The following U2AF2 variants were observed in gnomAD, a reference collection of about 807,000 sequenced individuals.
U2AF2 encodes the protein U2 small nuclear RNA auxiliary factor 2.
Under a neutral mutation model 52.6 loss-of-function variants are expected in U2AF2, and 6 were observed. That is an observed-to-expected ratio of 0.11 (90% CI 0.06 to 0.23). U2AF2 has a LOEUF of 0.23. Ranked by LOEUF, U2AF2 falls within the 10% of genes least tolerant of loss-of-function variation. U2AF2 has a pLI of 1.00. For missense variants in U2AF2, 222 were observed against 677.1 expected, an observed-to-expected ratio of 0.33 and a Z score of 7.46; for synonymous variants, 284 against 258.2, an observed-to-expected ratio of 1.10 and a Z score of -0.96.
chr19:55,666,156 A>G (rs1984537621), intron 7 of U2AF2, among the ~76,000 whole-genome samples: 1 of 152,180 alleles, frequency 6.6e-6, no homozygotes, highest in Admixed American at 6.5e-5. Context: ...ACCCAGTGAT[A>G]GTGGCTGCCG....
chr19:55,671,811 G>A (rs1190212899), intron 11 of U2AF2: 1 of 152,216 alleles, frequency 6.6e-6, no homozygotes, highest in Admixed American at 6.5e-5. Flanking sequence ...GGGATCAGCT[G>A]ACCTGTTTTG....
At chr19:55,656,664 T>C (rs1983817059) in intron 1 of U2AF2, among the ~76,000 whole-genome samples, 1 of 152,208 alleles carries the variant, frequency 6.6e-6, no homozygotes. Context: ...TTAACAGCCT[T>C]GTGAGGCCAA....
At chr19:55,662,464 T>TCCCCCCCC in intron 5 of U2AF2, 38 bp from the exon 6 acceptor site, 1 of 613,018 alleles carries the variant, frequency 1.6e-6, no homozygotes, top group Non-Finnish European at 2.7e-6. Flanking sequence ...CCACCTCCCT[T>TCCCCCCCC]CCCCCGCCCC....
Position 55,669,607 on chromosome 19 carries a change from G to A in U2AF2, c.1208G>A (p.Arg403Gln). ...TATGAGGAGATCGTGGAGGACGTGC[G>A]GGACGAGTGCAGCAAGTACGGGCTT... ...EEYEEIVEDV[R>Q]DECSKYGLVK... Residue 403 changes from arginine (R) to glutamine (Q), a missense_variant, in exon 11 of 12, where the codon CGG becomes CAG. Coordinates refer to ENST00000308924, the MANE Select transcript of U2AF2 (RefSeq NM_007279.3). 1 of 1,613,678 alleles carries A rather than the reference G, an allele frequency of 6.2e-7. No homozygotes were observed. The highest frequency in any genetic ancestry group is 8.5e-7 in the Non-Finnish European group (1 of 1,179,862).
In U2AF2 at chr19:55,659,277, C is replaced by T. The variant is rs985311438; in HGVS notation, c.117C>T (p.Arg39=). Residue 39 remains arginine (R), a synonymous_variant, in exon 2 of 12, where the codon CGC becomes CGT. Coordinates refer to ENST00000308924, the MANE Select transcript of U2AF2 (RefSeq NM_007279.3). ...GCTCTCGGAGCCGGGACCGCAAACG[C>T]CGGAGCCGGAGCCGCGACCGGCGCA... ...HSRSRSRDRK[R]RSRSRDRRNR... is the part of the protein sequence containing the mutation. 5 of 1,601,290 alleles carry T rather than the reference C, an allele frequency of 3.1e-6. No homozygotes were observed. The African/African-American group carries it at 6.7e-5, about 22-fold the overall frequency.
At chr19:55,655,400 G>T (rs1256554521) in intron 1 of U2AF2, among the ~76,000 whole-genome samples, 1 of 152,198 alleles carries the variant, frequency 6.6e-6, no homozygotes, top group Non-Finnish European at 1.5e-5. Flanking sequence ...TGCGCCCCAC[G>T]TGGTCCTGGC....
chr19:55,668,672 C>T lies in U2AF2; in HGVS notation c.825C>T (p.Val275=), dbSNP rs1420273607. The T allele has an allele frequency of 6.2e-7, 1 of 1,601,656 alleles. No individual in the cohort carries two copies. ...GLPNYLNDDQ[V]KELLTSFGPL... is the part of the protein sequence containing the mutation. ...TGATGGACTCTCGGCTACTGCAGGT[C>T]AAAGAGCTGCTGACATCCTTTGGGC... The change falls in exon 9 of 12, where the codon GTC becomes GTT. Residue 275 remains valine (V), a splice_region_variant and synonymous_variant. Transcript: ENST00000308924. The surrounding 1 kb of genome is among the most constrained non-coding windows in gnomAD (Gnocchi z 5.5).
chr19:55,663,497 G>A (rs976331460), intron 6 of U2AF2, 109 bp from the exon 7 acceptor site: 8 of 1,496,330 alleles, frequency 5.3e-6, no homozygotes, highest in Middle Eastern at 1.8e-4. Flanking sequence ...CTGGCATGTT[G>A]TATTTGTTCA....
At position 55,669,668 on chromosome 19, in the gene U2AF2, C is replaced by A. The variant is rs142476432; in HGVS notation, c.1269C>A (p.Gly423=). The A allele has an allele frequency of 1.9e-6, 3 of 1,610,100 alleles. No homozygotes were observed. Among genetic ancestry groups the A allele is most frequent in the Non-Finnish European group, 2.5e-6 (3 of 1,178,346 alleles). ...KSIEIPRPVD[G]VEVPGCGKIF... ...TCGAGATCCCCCGGCCTGTGGACGG[C>A]GTCGAGGTGCCCGGCTGCGGAAAGG... Residue 423 remains glycine, a synonymous_variant, in exon 11 of 12, where the codon GGC becomes GGA. Coordinates refer to ENST00000308924, the MANE Select transcript of U2AF2 (RefSeq NM_007279.3).
chr19:55,673,884 G>GA (rs1985099656), intron 11 of U2AF2, 50 bp from the exon 12 acceptor site: 2 of 1,566,886 alleles, frequency 1.3e-6, no homozygotes, highest in African/African-American at 2.7e-5. Flanking sequence ...ACGCTGACTG[G>GA]CTGTTGGGCG....
Position 55,663,617 on chromosome 19 carries a change from G to A in U2AF2, c.615G>A (p.Val205=), listed in dbSNP as rs938556913. 1 of 1,614,128 alleles carries A rather than the reference G, an allele frequency of 6.2e-7. No individual in the cohort carries two copies. The highest frequency in any genetic ancestry group is 8.5e-7 in the Non-Finnish European group (1 of 1,180,004). The change falls in exon 7 of 12, where the codon GTG becomes GTA. Residue 205 remains valine (V), a synonymous_variant. Transcript: ENST00000308924. The part of the protein sequence containing the change: ...KNFAFLEFRS[V]DETTQAMAFD... The stretch of plus-strand genomic sequence containing the variant: ...TCTCTTTCATTCAGTTCCGCTCAGT[G>A]GACGAGACTACCCAGGCTATGGCCT...
intron 1 of U2AF2, chr19:55,658,938 C>T (rs1026982657): frequency 1.5e-5 from 6 of 392,992 alleles, no homozygotes; most frequent in Non-Finnish European, 2.6e-5. Flanking sequence ...GAGCCAGCCT[C>T]CTCTGTCTTC....
chr19:55,663,981 G>A (rs991475808), intron 7 of U2AF2: 40 of 537,332 alleles, frequency 7.4e-5, no homozygotes, highest in Non-Finnish European at 2.2e-5. Context: ...CTTGTACGTG[G>A]CAGAGCCAGG....
chr19:55,670,436 T>C (rs2122124521), intron 11 of U2AF2, among the ~76,000 whole-genome samples: 1 of 133,554 alleles, frequency 7.5e-6, no homozygotes, highest in Non-Finnish European at 1.6e-5. Context: ...CTGCTGTCCG[T>C]GCACCCTGCT....
In U2AF2 at chr19:55,655,068, G is replaced by A. The variant is rs770376691; in HGVS notation, c.-37G>A. 1 of 1,605,458 alleles carries A rather than the reference G, an allele frequency of 6.2e-7. No individual in the cohort carries two copies. The highest frequency in any genetic ancestry group is 8.5e-7 in the Non-Finnish European group (1 of 1,177,528). ...CGGCTGGAGCGGGCGGCAAGGCGAG[G>A]CGAAAGCTGCACAGGGCCCTACGCG... On this transcript the variant is annotated 5_prime_UTR_variant, in exon 1 of 12. Transcript: ENST00000308924.
chr19:55,661,141 A>G lies in U2AF2; in HGVS notation c.438A>G (p.Arg146=). The G allele has an allele frequency of 1.9e-6, 3 of 1,612,444 alleles. No individual in the cohort carries two copies. Among genetic ancestry groups the G allele is most frequent in the South Asian group, 1.1e-5 (1 of 90,964 alleles). Residue 146 remains arginine (R), a synonymous_variant, in exon 5 of 12, where the codon AGA becomes AGG. Transcript: ENST00000308924. ...CCGTGGTCGGGAGCCAGATGACCAG[A>G]CAAGCCCGGCGCCTCTACGTGGGCA... ...PVPVVGSQMT[R]QARRLYVGNI...
intron 7 of U2AF2, among the ~76,000 whole-genome samples, chr19:55,664,929 G>C (rs551198783): frequency 6.6e-6 from 1 of 152,218 alleles, no homozygotes; most frequent in South Asian, 2.1e-4. Context: ...TGTTGGTCAG[G>C]TTGGTCTCCG....
chr19:55,655,707 C>G (rs2123666064), intron 1 of U2AF2, among the ~76,000 whole-genome samples: 1 of 152,292 alleles, frequency 6.6e-6, no homozygotes, highest in South Asian at 2.1e-4. Context: ...CCTCGCGTAC[C>G]CCTTTTCCTT....
chr19:55,664,704 C>A (rs1289684826), intron 7 of U2AF2, among the ~76,000 whole-genome samples: 1 of 152,148 alleles, frequency 6.6e-6, no homozygotes, highest in East Asian at 1.9e-4. Context: ...TCACTGGCCT[C>A]CAGTGCTTTT....
Sources: allele counts gnomAD v4.1 joint callset (sites outside exome capture counted in the v4.1 genomes callset), GRCh38; gene constraint gnomAD v4.1.1; non-coding constraint Gnocchi (gnomAD v3.1); transcripts MANE v1.5; gene names NCBI Gene and HGNC (gene_info 2026-07-23, HGNC 2026-07-21).